The following CYB5B variants were observed in gnomAD, a reference collection of about 807,000 sequenced individuals.
CYB5B encodes the protein cytochrome b5 type B (outer mitochondrial membrane).
In CYB5B, 14 loss-of-function variants were observed where a neutral mutation model predicts 21.3. The observed-to-expected ratio is 0.66, with a 90% CI of 0.43 to 1.03. CYB5B has a LOEUF of 1.03. CYB5B is among the 50% of genes least tolerant of loss of function. CYB5B has a pLI of 0.00. For synonymous variants in CYB5B, 69 were observed against 68.4 expected, an observed-to-expected ratio of 1.01 and a Z score of -0.04; for missense variants, 166 against 185.1, an observed-to-expected ratio of 0.90 and a Z score of 0.60.
intron 4 of CYB5B, among the ~76,000 whole-genome samples, chr16:69,461,472 G>C (rs2015035315): frequency 6.6e-6 from 1 of 152,164 alleles, no homozygotes; most frequent in Non-Finnish European, 1.5e-5. Context: ...TGCTAGGCAT[G>C]TTTAGGCAAA....
intron 1 of CYB5B, 97 bp downstream of exon 1, chr16:69,424,954 G>A: frequency 7.8e-7 from 1 of 1,286,336 alleles, no homozygotes; most frequent in Non-Finnish European, 1.0e-6. Context: ...GCTTGGCTGG[G>A]GGCGATAAGG....
Position 69,463,583 on chromosome 16 carries a change from G to A in CYB5B, c.*1063G>A, listed in dbSNP as rs1428204033. ...AAGGAGTTTCCCTCCTTTTTTGTTT[G>A]TTGATTAGCAAATTTTTGATTCTCC... On this transcript the variant is annotated 3_prime_UTR_variant, in exon 5 of 5. Transcript: ENST00000307892. The A allele has an allele frequency of 6.6e-6, 1 of 151,838 alleles. No individual in the cohort carries two copies. Among genetic ancestry groups the A allele is most frequent in the Non-Finnish European group, 1.5e-5 (1 of 67,944 alleles). 9.4% of individuals were successfully genotyped at this position (151,838 alleles called of 1,614,324 possible). A position where few individuals can be genotyped will look rare whatever the true frequency, so the allele number is the denominator to read the frequency against.
At chr16:69,461,233 T>A (rs774685096) in intron 4 of CYB5B, among the ~76,000 whole-genome samples, 13 of 151,558 alleles carry the variant, frequency 8.6e-5, no homozygotes, top group Admixed American at 3.9e-4. Context: ...AAGAAAGAAA[T>A]TTTCTCCTTC....
At chr16:69,438,572 G>A (rs1009455680) in intron 1 of CYB5B, among the ~76,000 whole-genome samples, 3 of 150,678 alleles carry the variant, frequency 2.0e-5, no homozygotes, top group Admixed American at 6.7e-5. Context: ...CCTAGCAGGT[G>A]TAAAGTGGTG....
At chr16:69,443,153 C>T (rs945399930) in intron 1 of CYB5B, 1 of 152,268 alleles carries the variant, frequency 6.6e-6, no homozygotes, top group East Asian at 1.9e-4. Context: ...CCAGGCTGGT[C>T]TCAAACTCCT....
chr16:69,447,642 C>A (rs372818460), intron 2 of CYB5B, among the ~76,000 whole-genome samples: 403 of 133,898 alleles, frequency 3.0e-3, no homozygotes, highest in Middle Eastern at 0.011. Flanking sequence ...GACTCTGTCT[C>A]AAAAAAAAAA....
intron 1 of CYB5B, among the ~76,000 whole-genome samples, chr16:69,439,330 C>G (rs1203531423): frequency 6.6e-6 from 1 of 152,112 alleles, no homozygotes; most frequent in African/African-American, 2.4e-5. Context: ...ACTGCCTCAG[C>G]CTCCCGAATA....
In CYB5B at chr16:69,462,554, T is replaced by C; in HGVS notation, c.*34T>C. On this transcript the variant is annotated 3_prime_UTR_variant, in exon 5 of 5. Coordinates refer to ENST00000307892, the MANE Select transcript of CYB5B (RefSeq NM_030579.3). The stretch of plus-strand genomic sequence containing the variant: ...TGCTGAAGTTAGAAAGTGCATCCAC[T>C]TTGGGGCGAAAACTAGAGACTTGCT... 2.5e-6 allele frequency: 4 copies of C among 1,574,512 alleles called. No individual in the cohort carries two copies. The highest frequency in any genetic ancestry group is 2.6e-6 in the Non-Finnish European group (3 of 1,145,128).
At chr16:69,458,984 G>T in intron 3 of CYB5B, 109 bp from the exon 4 acceptor site, 5 of 935,474 alleles carry the variant, frequency 5.3e-6, no homozygotes, top group East Asian at 2.8e-5. Flanking sequence ...TGAAGTTCTG[G>T]TATCAGTTAC....
At chr16:69,433,489 CTG>C (rs1181471117) in intron 1 of CYB5B, among the ~76,000 whole-genome samples, 1 of 149,386 alleles carries the variant, frequency 6.7e-6, no homozygotes, top group Non-Finnish European at 1.5e-5. Flanking sequence ...TTTCACTTAA[CTG>C]TGTATCTCAG....
At chr16:69,451,268 A>G (rs1423154599) in intron 3 of CYB5B, among the ~76,000 whole-genome samples, 1 of 152,140 alleles carries the variant, frequency 6.6e-6, no homozygotes, top group Non-Finnish European at 1.5e-5. Flanking sequence ...GGTTACGGAA[A>G]CTCACCTTAG....
intron 4 of CYB5B, among the ~76,000 whole-genome samples, chr16:69,461,681 A>AG (rs970828690): frequency 6.6e-6 from 1 of 152,198 alleles, no homozygotes; most frequent in African/African-American, 2.4e-5. Context: ...GAAGCTCCTA[A>AG]GGAAGGTCTC....
Position 69,453,256 on chromosome 16 carries a change from C to T in CYB5B, c.333+5112C>T, listed in dbSNP as rs564523901. Among the ~76,000 whole-genome samples, 3 of 152,024 alleles carry T rather than the reference C, an allele frequency of 2.0e-5. No homozygotes were observed. In the South Asian group the frequency reaches 6.2e-4, roughly 32 times the overall value. ...AAAGTTACATTTTTTCTCCCAGATG[C>T]TACTGACTTTTATTATACATACAGT... is the stretch of plus-strand genomic sequence containing the variant. On this transcript the variant is annotated intron_variant, in intron 3 of 4. Coordinates refer to ENST00000307892, the MANE Select transcript of CYB5B (RefSeq NM_030579.3).
chr16:69,447,993 A>G, intron 2 of CYB5B, 122 bp from the exon 3 acceptor site: 1 of 1,009,862 alleles, frequency 9.9e-7, no homozygotes, highest in Non-Finnish European at 1.5e-6. Flanking sequence ...GGATCCTCAA[A>G]TCTCCCAGGG....
chr16:69,454,078 C>T (rs2014960633), intron 3 of CYB5B, among the ~76,000 whole-genome samples: 1 of 152,174 alleles, frequency 6.6e-6, no homozygotes, highest in Non-Finnish European at 1.5e-5. Context: ...CTTTTCAAAT[C>T]AGCCCTCCAA....
intron 1 of CYB5B, among the ~76,000 whole-genome samples, chr16:69,440,864 GT>G (rs1248087245): frequency 6.7e-6 from 1 of 149,946 alleles, no homozygotes; most frequent in East Asian, 1.9e-4. Flanking sequence ...TCACTATGTT[GT>G]CCAGGATGGT....
chr16:69,429,279 G>T (rs950734451), intron 1 of CYB5B, among the ~76,000 whole-genome samples: 6 of 152,186 alleles, frequency 3.9e-5, no homozygotes, highest in African/African-American at 1.4e-4. Flanking sequence ...TTTCCACAGT[G>T]TGGAAAGGGA....
At chr16:69,438,249 A>G (rs1176581106) in intron 1 of CYB5B, among the ~76,000 whole-genome samples, 3 of 152,222 alleles carry the variant, frequency 2.0e-5, no homozygotes, top group Non-Finnish European at 4.4e-5. Flanking sequence ...ATTCATTTTT[A>G]AGGCTGAATA....
rs2015069988 is a variant in CYB5B, at chr16:69,464,673, TA to T, written c.*2155del. 1 of 152,682 alleles carries T rather than the reference TA, an allele frequency of 6.5e-6. No homozygotes were observed. Among genetic ancestry groups the T allele is most frequent in the African/African-American group, 2.4e-5 (1 of 41,472 alleles). 9.5% of individuals were successfully genotyped at this position (152,682 alleles called of 1,614,324 possible). On this transcript the variant is annotated 3_prime_UTR_variant, in exon 5 of 5. Coordinates refer to ENST00000307892, the MANE Select transcript of CYB5B (RefSeq NM_030579.3). Reference sequence around the variant, plus strand: ...AAGAAATGTTAAAGAACTACCATCTTAAGTAAAATTGGTGTTTTTGTTATTT... The same window carrying T: ...AAGAAATGTTAAAGAACTACCATCTTAGTAAAATTGGTGTTTTTGTTATTT...
Sources: allele counts gnomAD v4.1 joint callset (sites outside exome capture counted in the v4.1 genomes callset), GRCh38; gene constraint gnomAD v4.1.1; transcripts MANE v1.5; gene names NCBI Gene and HGNC (gene_info 2026-07-23, HGNC 2026-07-21).